SLC24A3: variants seen among roughly 807,000 people sequenced by gnomAD.
SLC24A3 encodes the protein solute carrier family 24 member 3.
In SLC24A3, 28 loss-of-function variants were observed where a neutral mutation model predicts 75.8. The ratio of observed to expected loss-of-function variants is 0.37; its 90% confidence interval spans 0.27 to 0.51. The LOEUF (loss-of-function observed/expected upper bound fraction) is 0.51. Ranked by LOEUF, SLC24A3 falls within the 20% of genes least tolerant of loss-of-function variation. SLC24A3 has a pLI of 0.94. For synonymous variants in SLC24A3, 372 were observed against 334.1 expected, an observed-to-expected ratio of 1.11 and a Z score of -1.24; for missense variants, 663 against 847.8, an observed-to-expected ratio of 0.78 and a Z score of 2.71.
At chr20:19,245,849 G>C (rs1982471246) in intron 1 of SLC24A3, among the ~76,000 whole-genome samples, 1 of 151,948 alleles carries the variant, frequency 6.6e-6, no homozygotes, top group African/African-American at 2.4e-5. Flanking sequence ...AGAAACTGAA[G>C]ATATAAGAAG....
intron 2 of SLC24A3, among the ~76,000 whole-genome samples, chr20:19,314,992 G>C (rs1315599510): frequency 6.6e-6 from 1 of 152,248 alleles, no homozygotes; most frequent in Non-Finnish European, 1.5e-5. Flanking sequence ...ACATAAAAGT[G>C]CTGAAGAAGA....
intron 6 of SLC24A3, among the ~76,000 whole-genome samples, chr20:19,634,383 C>G (rs1015065195): frequency 6.6e-6 from 1 of 152,046 alleles, no homozygotes; most frequent in Non-Finnish European, 1.5e-5. Context: ...TGGGGAGACT[C>G]TAGTTCATTT....
intron 2 of SLC24A3, among the ~76,000 whole-genome samples, chr20:19,360,416 A>G (rs989516841): frequency 6.6e-6 from 1 of 152,236 alleles, no homozygotes. Flanking sequence ...ACATCTTAAC[A>G]TGTGGATGTC....
intron 2 of SLC24A3, among the ~76,000 whole-genome samples, chr20:19,317,756 G>C (rs1230271884): frequency 1.3e-5 from 2 of 152,198 alleles, no homozygotes; most frequent in Non-Finnish European, 2.9e-5. Flanking sequence ...TTGTCTGGGT[G>C]GATAAGCATG....
At chr20:19,467,348 G>A (rs6112399) in intron 2 of SLC24A3, among the ~76,000 whole-genome samples, 1 of 152,246 alleles carries the variant, frequency 6.6e-6, no homozygotes, top group Non-Finnish European at 1.5e-5. Flanking sequence ...TAACCACTTG[G>A]TGGATTGTGA....
intron 6 of SLC24A3, among the ~76,000 whole-genome samples, chr20:19,652,622 A>AG (rs2032220415): frequency 1.3e-5 from 2 of 152,248 alleles, no homozygotes; most frequent in Non-Finnish European, 2.9e-5. Context: ...TAGCAACAGG[A>AG]AATAACTAAG....
At chr20:19,501,590 G>A (rs371034969) in intron 2 of SLC24A3, among the ~76,000 whole-genome samples, 2 of 152,322 alleles carry the variant, frequency 1.3e-5, no homozygotes, top group South Asian at 4.1e-4. Context: ...GCTGTAACTG[G>A]TTTCCAATAT....
chr20:19,466,786 TAC>T (rs2122501844), intron 2 of SLC24A3, among the ~76,000 whole-genome samples: 1 of 152,268 alleles, frequency 6.6e-6, no homozygotes, highest in African/African-American at 2.4e-5. Flanking sequence ...CTTTCGAATG[TAC>T]AGAGATTCTG....
intron 2 of SLC24A3, among the ~76,000 whole-genome samples, chr20:19,451,408 C>T (rs1987478732): frequency 1.3e-5 from 2 of 152,178 alleles, no homozygotes; most frequent in Admixed American, 1.3e-4. Context: ...TCTTATCAGT[C>T]GCTATCCACT....
intron 1 of SLC24A3, among the ~76,000 whole-genome samples, chr20:19,262,863 G>A (rs565294605): frequency 5.3e-5 from 8 of 151,766 alleles, no homozygotes; most frequent in Non-Finnish European, 7.4e-5. Flanking sequence ...TTGTGTGCTG[G>A]GCACTGACAA....
chr20:19,663,823 T>C (rs944695208), intron 7 of SLC24A3, among the ~76,000 whole-genome samples: 2 of 152,114 alleles, frequency 1.3e-5, no homozygotes, highest in African/African-American at 4.8e-5. Context: ...TTAAGCCCAA[T>C]CTCATTTTTT....
At chr20:19,710,953 C>T (rs1036886895) in intron 15 of SLC24A3, among the ~76,000 whole-genome samples, 10 of 152,256 alleles carry the variant, frequency 6.6e-5, no homozygotes, top group African/African-American at 2.4e-4. Flanking sequence ...AAAGCCAACC[C>T]TCACCATGGC....
chr20:19,374,740 G>A (rs1161257110), intron 2 of SLC24A3, among the ~76,000 whole-genome samples: 1 of 152,174 alleles, frequency 6.6e-6, no homozygotes, highest in African/African-American at 2.4e-5. Context: ...AGCAGAACAT[G>A]GATTCATAGG....
At chr20:19,254,213 C>A (rs942086801) in intron 1 of SLC24A3, among the ~76,000 whole-genome samples, 1 of 147,234 alleles carries the variant, frequency 6.8e-6, no homozygotes, top group African/African-American at 2.5e-5. Flanking sequence ...ATTGCCCAGG[C>A]GGCCATCTAC....
intron 2 of SLC24A3, among the ~76,000 whole-genome samples, chr20:19,457,260 C>A (rs1385340727): frequency 6.6e-6 from 1 of 152,122 alleles, no homozygotes; most frequent in Non-Finnish European, 1.5e-5. Context: ...CAGAGTCTTG[C>A]TTTCAGCTCT....
intron 2 of SLC24A3, among the ~76,000 whole-genome samples, chr20:19,504,742 A>C (rs1254124675): frequency 1.3e-5 from 2 of 152,244 alleles, no homozygotes; most frequent in Non-Finnish European, 2.9e-5. Flanking sequence ...GAAACAAAGG[A>C]GTCCAAGAAG....
chr20:19,285,491 A>AT (rs1312090613), intron 2 of SLC24A3, among the ~76,000 whole-genome samples: 4 of 150,034 alleles, frequency 2.7e-5, no homozygotes, highest in African/African-American at 7.3e-5. Context: ...AAAAAAAAAA[A>AT]AAAAAAAAAA....
At chr20:19,362,464 T>C (rs558500454) in intron 2 of SLC24A3, among the ~76,000 whole-genome samples, 94 of 152,356 alleles carry the variant, frequency 6.2e-4, no homozygotes, top group African/African-American at 2.0e-3. Flanking sequence ...CACAGGCTTC[T>C]TATAGGAAAT....
chr20:19,718,253 G>T (rs1314037072), intron 16 of SLC24A3, among the ~76,000 whole-genome samples: 1 of 152,222 alleles, frequency 6.6e-6, no homozygotes, highest in Non-Finnish European at 1.5e-5. Context: ...AGAAGGACAG[G>T]CAGGAAGCAA....
Sources: allele counts gnomAD v4.1 joint callset (sites outside exome capture counted in the v4.1 genomes callset), GRCh38; gene constraint gnomAD v4.1.1; transcripts MANE v1.5; gene names NCBI Gene and HGNC (gene_info 2026-07-23, HGNC 2026-07-21).